MBNL2: variants seen among roughly 807,000 people sequenced by gnomAD.
MBNL2 encodes the protein muscleblind-like protein 2.
In MBNL2, 17 loss-of-function variants were observed where a neutral mutation model predicts 41.9. The observed-to-expected ratio is 0.41, with a 90% CI of 0.28 to 0.61. MBNL2 has a LOEUF of 0.61. MBNL2 is among the 20% of genes least tolerant of loss of function. The pLI, the probability that MBNL2 is intolerant of heterozygous loss-of-function variation, is 0.35. For missense variants in MBNL2, 336 were observed against 505.6 expected, an observed-to-expected ratio of 0.66 and a Z score of 3.22; for synonymous variants, 195 against 182.9, an observed-to-expected ratio of 1.07 and a Z score of -0.53.
chr13:97,390,003 TATTA>T (rs1293007093), intron 8 of MBNL2, among the ~76,000 whole-genome samples: 2 of 152,148 alleles, frequency 1.3e-5, no homozygotes, highest in East Asian at 1.9e-4. Context: ...AATAATATCT[TATTA>T]ATTTTATTCA....
chr13:97,352,703 G>A (rs926979833), intron 5 of MBNL2, among the ~76,000 whole-genome samples: 5 of 152,292 alleles, frequency 3.3e-5, no homozygotes, highest in African/African-American at 9.6e-5. Flanking sequence ...TCAACATAGG[G>A]TTGCCACAAA....
intron 5 of MBNL2, among the ~76,000 whole-genome samples, chr13:97,349,523 G>C (rs148733321): frequency 6.6e-6 from 1 of 152,014 alleles, no homozygotes. Flanking sequence ...CACAAAATTT[G>C]TTTATTTATT....
intron 1 of MBNL2, among the ~76,000 whole-genome samples, chr13:97,260,960 G>C (rs1283180131): frequency 1.3e-5 from 2 of 151,946 alleles, no homozygotes; most frequent in Non-Finnish European, 2.9e-5. Context: ...TTCTCAGTAA[G>C]TGTTTGTTCT....
At chr13:97,155,706 T>A in the MBNL2 span, among the ~76,000 whole-genome samples, 1 of 152,038 alleles carries the variant, frequency 6.6e-6, no homozygotes, top group Non-Finnish European at 1.5e-5. Context: ...TTCATCCATG[T>A]CCCTACAAAG....
intron 1 of MBNL2, among the ~76,000 whole-genome samples, chr13:97,253,170 T>C (rs1043030805): frequency 6.6e-6 from 1 of 152,204 alleles, no homozygotes; most frequent in Admixed American, 6.5e-5. Flanking sequence ...AGTTTCCTGC[T>C]GGCATAGAAA....
At chr13:97,336,008 T>G (rs1281428006) in intron 3 of MBNL2, among the ~76,000 whole-genome samples, 1 of 152,244 alleles carries the variant, frequency 6.6e-6, no homozygotes, top group Non-Finnish European at 1.5e-5. Flanking sequence ...CCACATTATG[T>G]GTCTCACTTA....
chr13:97,271,423 G>GATTTATTT (rs34646186), intron 1 of MBNL2, among the ~76,000 whole-genome samples: 29 of 149,468 alleles, frequency 1.9e-4, no homozygotes, highest in East Asian at 5.9e-4. Context: ...CACTTTTTAA[G>GATTTATTT]ATTTATTTAT....
intron 2 of MBNL2, among the ~76,000 whole-genome samples, chr13:97,324,566 TA>T (rs1481431671): frequency 3.3e-5 from 5 of 152,152 alleles, no homozygotes; most frequent in Non-Finnish European, 7.4e-5. Flanking sequence ...CAGTGTTCTC[TA>T]AAAAACAGAA....
chr13:97,317,807 T>G (rs563285208), intron 2 of MBNL2, among the ~76,000 whole-genome samples: 1 of 152,244 alleles, frequency 6.6e-6, no homozygotes, highest in African/African-American at 2.4e-5. Flanking sequence ...TTGAAAACTG[T>G]ATGATTTATG....
the MBNL2 span, among the ~76,000 whole-genome samples, chr13:97,197,877 A>C: frequency 6.6e-6 from 1 of 152,168 alleles, no homozygotes; most frequent in Admixed American, 6.5e-5. Context: ...ATGGCTGTGT[A>C]CTGAGCTCCT....
At chr13:97,326,614 A>G (rs935818806) in intron 2 of MBNL2, among the ~76,000 whole-genome samples, 5 of 152,198 alleles carry the variant, frequency 3.3e-5, no homozygotes, top group Non-Finnish European at 5.9e-5. Flanking sequence ...TTTGTTTATA[A>G]TGATCCCCTG....
the MBNL2 span, among the ~76,000 whole-genome samples, chr13:97,166,837 T>TAGATAGAAAGAAAGAA: frequency 6.6e-3 from 948 of 143,394 alleles, 3 homozygotes; most frequent in African/African-American, 9.1e-3. Flanking sequence ...GATAGATAGA[T>TAGATAGAAAGAAAGAA]AGAAAGATAG....
chr13:97,270,249 AAAGG>A (rs1451135423), intron 1 of MBNL2, among the ~76,000 whole-genome samples: 1 of 152,240 alleles, frequency 6.6e-6, no homozygotes, highest in Non-Finnish European at 1.5e-5. Flanking sequence ...TTGAGTGGGA[AAAGG>A]AAGCAGGTGA....
the MBNL2 span, among the ~76,000 whole-genome samples, chr13:97,188,600 T>A: frequency 6.6e-6 from 1 of 151,082 alleles, no homozygotes; most frequent in South Asian, 2.1e-4. Context: ...GCACGTATAA[T>A]TCCCCCAGAA....
chr13:97,277,238 T>C (rs2052348528), intron 2 of MBNL2, among the ~76,000 whole-genome samples: 1 of 152,178 alleles, frequency 6.6e-6, no homozygotes, highest in Non-Finnish European at 1.5e-5. Context: ...AGTTAACCGC[T>C]AATGCTGGGG....
At chr13:97,248,110 G>T (rs997175662) in intron 1 of MBNL2, among the ~76,000 whole-genome samples, 6 of 152,078 alleles carry the variant, frequency 3.9e-5, no homozygotes, top group Non-Finnish European at 7.4e-5. Context: ...ACGTATGTGT[G>T]TGTATACACA....
chr13:97,375,000 C>T (rs908965026), intron 8 of MBNL2, among the ~76,000 whole-genome samples: 10 of 152,166 alleles, frequency 6.6e-5, no homozygotes, highest in Admixed American at 4.6e-4. Flanking sequence ...TACTCATGGG[C>T]ACTTATCTAC....
At chr13:97,311,425 G>A (rs564379974) in intron 2 of MBNL2, among the ~76,000 whole-genome samples, 3 of 152,252 alleles carry the variant, frequency 2.0e-5, no homozygotes. Flanking sequence ...GCTTTTAAGC[G>A]TGAATCCCCT....
At chr13:97,154,907 T>C in the MBNL2 span, among the ~76,000 whole-genome samples, 1 of 152,008 alleles carries the variant, frequency 6.6e-6, no homozygotes, top group Non-Finnish European at 1.5e-5. Flanking sequence ...GAGGGACCAA[T>C]ATTGAGTACT....
Sources: gnomAD v4.1 joint callset for allele counts (sites outside exome capture counted in the v4.1 genomes callset) on GRCh38, gnomAD v4.1.1 for gene constraint, MANE v1.5 for transcripts, NCBI Gene and HGNC (gene_info 2026-07-23, HGNC 2026-07-21) for gene names.